Variants in PARP4 observed in about 807,000 individuals in gnomAD.
PARP4 encodes the protein protein mono-ADP-ribosyltransferase PARP4.
A neutral mutation model predicts 187.7 loss-of-function variants in PARP4; 120 were observed. The ratio of observed to expected loss-of-function variants is 0.64; its 90% CI spans 0.55 to 0.74. The LOEUF is 0.74. Ranked by LOEUF, PARP4 falls within the 30% of genes least tolerant of loss-of-function variation. The pLI is 0.00. For synonymous variants in PARP4, 654 were observed against 740.9 expected (o/e 0.88, Z 1.90); for missense variants, 1,836 against 2,070.5 (o/e 0.89, Z 2.20).
chr13:24,512,043 C>G (rs1438797568), intron 1 of PARP4, among the ~76,000 whole-genome samples: 2 of 152,206 alleles, frequency 1.3e-5, no homozygotes, highest in African/African-American at 4.8e-5. Context: ...TATCATAGCA[C>G]TATGCTTGGA....
intron 23 of PARP4, 64 bp downstream of exon 23, chr13:24,453,523 T>C (rs1024991545): frequency 3.0e-6 from 3 of 995,948 alleles, no homozygotes; most frequent in Non-Finnish European, 1.6e-6. Context: ...GCCTAAGCCC[T>C]GGAGGTCCCC....
At chr13:24,457,899 T>C (rs1049803799) in intron 20 of PARP4, among the ~76,000 whole-genome samples, 1 of 150,724 alleles carries the variant, frequency 6.6e-6, no homozygotes, top group Non-Finnish European at 1.5e-5. Flanking sequence ...TTACATACAA[T>C]GAATGAAAAT....
chr13:24,497,353 G>A (rs1256377365), intron 6 of PARP4, among the ~76,000 whole-genome samples: 4 of 152,122 alleles, frequency 2.6e-5, no homozygotes, highest in African/African-American at 9.7e-5. Context: ...CTGACGCCAG[G>A]GTGTGAAGCT....
chr13:24,425,435 G>A (rs183819386), intron 33 of PARP4, among the ~76,000 whole-genome samples: 49 of 152,082 alleles, frequency 3.2e-4, no homozygotes, highest in Admixed American at 2.4e-3. Flanking sequence ...TCAAATCCCC[G>A]TAGCAATAAT....
intron 32 of PARP4, among the ~76,000 whole-genome samples, chr13:24,430,625 G>C (rs961658954): frequency 3.3e-5 from 5 of 151,936 alleles, no homozygotes; most frequent in African/African-American, 1.2e-4. Context: ...CTGCACTCCA[G>C]CCTGGGCAAG....
At chr13:24,490,181 T>G (rs1213814880) in intron 10 of PARP4, among the ~76,000 whole-genome samples, 1 of 152,156 alleles carries the variant, frequency 6.6e-6, no homozygotes, top group Non-Finnish European at 1.5e-5. Context: ...TGGTCCATCA[T>G]GTTTGTTGTT....
At chr13:24,450,778 C>T (rs376587230) in intron 24 of PARP4, among the ~76,000 whole-genome samples, 188 of 152,334 alleles carry the variant, frequency 1.2e-3, no homozygotes, top group African/African-American at 4.4e-3. Context: ...GATACCACCC[C>T]CTCCAGGCAT....
chr13:24,490,409 C>T (rs1296283864), intron 10 of PARP4, among the ~76,000 whole-genome samples: 2 of 149,942 alleles, frequency 1.3e-5, no homozygotes, highest in South Asian at 2.1e-4. Context: ...AACTCAAACA[C>T]GTTTTAAAAT....
At position 24,452,545 on chromosome 13, in the gene PARP4, A is replaced by G; in HGVS notation, c.2875T>C (p.Tyr959His). 6.2e-7 allele frequency: 1 copy of G among 1,614,156 alleles called. No individual in the cohort carries two copies. Among genetic ancestry groups the G allele is most frequent in the Non-Finnish European group, 8.5e-7 (1 of 1,179,988 alleles). Reference sequence around the variant, plus strand: ...CGAGCAGGGTACAATAAGCTAAGATATCGGAGTGTTTTCCAGAAGTCTGTG... The same window carrying G: ...CGAGCAGGGTACAATAAGCTAAGATGTCGGAGTGTTTTCCAGAAGTCTGTG... ...GNTDFWKTLRYLSLLYPARGS... is the reference protein window; with the variant it reads ...GNTDFWKTLRHLSLLYPARGS... The change falls in exon 24 of 34, where the codon TAT (tyrosine) becomes CAT (histidine). Residue 959 changes from tyrosine (Y) to histidine (H), a missense_variant. Physicochemically the swap from Tyr to His is moderately conservative, Grantham distance 83. This residue lies in a region of PARP4 where 1,147 missense variants were observed against 1,214.2 expected (regional missense o/e 0.94). Transcript: ENST00000381989.
At chr13:24,459,379 G>C in intron 18 of PARP4, 69 bp from the exon 19 acceptor site, 1 of 1,388,078 alleles carries the variant, frequency 7.2e-7, no homozygotes, top group Non-Finnish European at 9.8e-7. Flanking sequence ...TAAAGTGAAT[G>C]TAATCTTGGC....
intron 7 of PARP4, 78 bp downstream of exon 7, chr13:24,494,495 G>A (rs1005385074): frequency 1.5e-6 from 2 of 1,327,482 alleles, no homozygotes; most frequent in Non-Finnish European, 1.0e-6. Context: ...GCCTGGCCCA[G>A]TCTTTTATTT....
intron 12 of PARP4, among the ~76,000 whole-genome samples, 199 bp downstream of exon 12, chr13:24,484,454 C>T (rs1419936750): frequency 2.0e-5 from 3 of 152,042 alleles, no homozygotes; most frequent in Non-Finnish European, 2.9e-5. Flanking sequence ...AGTACAGGCA[C>T]GAGCCACCAT....
intron 33 of PARP4, among the ~76,000 whole-genome samples, chr13:24,425,749 C>T (rs1382975826): frequency 6.6e-6 from 1 of 152,002 alleles, no homozygotes; most frequent in Non-Finnish European, 1.5e-5. Flanking sequence ...ACCACATGGC[C>T]CTGAGTCCAC....
At chr13:24,423,134 T>C (rs1869833535) in intron 33 of PARP4, among the ~76,000 whole-genome samples, 1 of 152,260 alleles carries the variant, frequency 6.6e-6, no homozygotes, top group South Asian at 2.1e-4. Flanking sequence ...TGGATGTGCC[T>C]ATTAAGTCAA....
chr13:24,482,305 T>C (rs1873320829), intron 12 of PARP4, among the ~76,000 whole-genome samples: 1 of 152,198 alleles, frequency 6.6e-6, no homozygotes, highest in African/African-American at 2.4e-5. Context: ...ACAAAGGATT[T>C]TGAATATCAC....
At chr13:24,467,218 G>C (rs1044238013) in intron 17 of PARP4, among the ~76,000 whole-genome samples, 1 of 152,142 alleles carries the variant, frequency 6.6e-6, no homozygotes, top group African/African-American at 2.4e-5. Context: ...CTTCATCCTT[G>C]GTTTCGGCAC....
At chr13:24,505,971 G>C (rs1020648325) in intron 1 of PARP4, among the ~76,000 whole-genome samples, 11 of 152,212 alleles carry the variant, frequency 7.2e-5, no homozygotes, top group African/African-American at 2.7e-4. Flanking sequence ...ATTGGGCTCC[G>C]CCATTTCCCC....
chr13:24,486,117 T>C (rs1185695770), intron 11 of PARP4, 51 bp downstream of exon 11: 2 of 1,534,702 alleles, frequency 1.3e-6, no homozygotes, highest in South Asian at 2.4e-5. Context: ...AGTAAAACAC[T>C]TCACATTTGT....
At chr13:24,490,071 C>G (rs1868545928) in intron 10 of PARP4, among the ~76,000 whole-genome samples, 1 of 152,174 alleles carries the variant, frequency 6.6e-6, no homozygotes, top group African/African-American at 2.4e-5. Flanking sequence ...TGCTTGAGAA[C>G]AAGCATGCAA....
Sources: allele counts gnomAD v4.1 joint callset (sites outside exome capture counted in the v4.1 genomes callset), GRCh38; gene constraint gnomAD v4.1.1; regional missense constraint gnomAD v4.1.1; transcripts MANE v1.5; gene names NCBI Gene and HGNC (gene_info 2026-07-23, HGNC 2026-07-21).